Variants in LRP1B observed in about 807,000 individuals in gnomAD.
LRP1B encodes the protein low-density lipoprotein receptor-related protein 1B.
In LRP1B, 217 loss-of-function variants were observed where a neutral mutation model predicts 556.6. The ratio of observed to expected loss-of-function variants is 0.39; its 90% CI spans 0.35 to 0.44. LRP1B has a LOEUF of 0.44. Ranked by LOEUF, LRP1B falls within the 20% of genes least tolerant of loss-of-function variation. The pLI, the probability that LRP1B is intolerant of heterozygous loss-of-function variation, is 1.00. For missense variants in LRP1B, 5,053 were observed against 5,620.8 expected, an observed-to-expected ratio of 0.90 and a Z score of 3.23; for synonymous variants, 2,047 against 1,865.8, an observed-to-expected ratio of 1.10 and a Z score of -2.50.
At chr2:142,011,934 T>G (rs1161348621) in intron 1 of LRP1B, among the ~76,000 whole-genome samples, 4 of 152,116 alleles carry the variant, frequency 2.6e-5, no homozygotes, top group Non-Finnish European at 4.4e-5. Flanking sequence ...GTCTAGGATT[T>G]AGCAAATTGG....
At chr2:141,463,325 T>C (rs975729510) in intron 3 of LRP1B, among the ~76,000 whole-genome samples, 2 of 151,740 alleles carry the variant, frequency 1.3e-5, no homozygotes, top group South Asian at 4.1e-4. Flanking sequence ...AATATTTATG[T>C]TTGCTTTGGG....
At chr2:140,604,832 G>A (rs1682809860) in intron 41 of LRP1B, among the ~76,000 whole-genome samples, 1 of 151,726 alleles carries the variant, frequency 6.6e-6, no homozygotes, top group African/African-American at 2.4e-5. Flanking sequence ...TCCCGTGATA[G>A]TGAAAAAGTC....
At chr2:140,663,027 C>G (rs1002923998) in intron 41 of LRP1B, among the ~76,000 whole-genome samples, 2 of 152,072 alleles carry the variant, frequency 1.3e-5, no homozygotes, top group Non-Finnish European at 2.9e-5. Flanking sequence ...TATAAAAATG[C>G]TTTTAAGTAA....
At position 141,972,890 on chromosome 2, in the gene LRP1B, G is replaced by C. The variant is rs1701785002; in HGVS notation, c.82+157758C>G. Among the ~76,000 whole-genome samples, 3 of 151,504 alleles carry C rather than the reference G, an allele frequency of 2.0e-5. No homozygotes were observed. The South Asian group carries it at 6.2e-4, about 31-fold the overall frequency. On this transcript the variant is annotated intron_variant, in intron 1 of 90. Coordinates refer to ENST00000389484, the MANE Select transcript of LRP1B (RefSeq NM_018557.3). ...TTAACAAGTTGTATTTTTTTCTAAA[G>C]GGATTAATAGACTCATAATACATAC...
chr2:140,289,471 A>C (rs1683287914), intron 84 of LRP1B, among the ~76,000 whole-genome samples: 1 of 152,064 alleles, frequency 6.6e-6, no homozygotes, highest in Admixed American at 6.6e-5. Context: ...AGTTAATTCT[A>C]ATAATCAGCA....
intron 2 of LRP1B, among the ~76,000 whole-genome samples, chr2:141,759,296 C>A (rs182798408): frequency 3.3e-5 from 5 of 152,118 alleles, no homozygotes; most frequent in Non-Finnish European, 7.4e-5. Context: ...AACTCATTTG[C>A]CCTGATAGAA....
chr2:141,417,822 T>C (rs1036896422), intron 3 of LRP1B, among the ~76,000 whole-genome samples: 12 of 150,708 alleles, frequency 8.0e-5, no homozygotes, highest in Admixed American at 2.7e-4. Flanking sequence ...AGAGTTTACA[T>C]ATCTACCAAC....
At chr2:141,700,139 G>A (rs1168262334) in intron 2 of LRP1B, among the ~76,000 whole-genome samples, 1 of 151,512 alleles carries the variant, frequency 6.6e-6, no homozygotes, top group African/African-American at 2.4e-5. Context: ...CAGCTTCTTA[G>A]AGAAAAATTA....
At position 140,541,088 on chromosome 2, in the gene LRP1B, A is replaced by G; in HGVS notation, c.7398T>C (p.Ser2466=). Residue 2466 remains serine, a synonymous_variant, in exon 45 of 91, where the codon TCT becomes TCC. Coordinates refer to ENST00000389484, the MANE Select transcript of LRP1B (RefSeq NM_018557.3). ...VANDTNSCEL[S]PCALLNGGCH... ...AGCCTCCATTCAATAATGCACATGG[A>G]GAAAGTTCACCTACAATAAAGAGGG... is the stretch of plus-strand genomic sequence containing the variant. The G allele has an allele frequency of 1.2e-6, 2 of 1,609,078 alleles. No individual in the cohort carries two copies. Among genetic ancestry groups the G allele is most frequent in the Non-Finnish European group, 1.7e-6 (2 of 1,176,566 alleles).
chr2:141,527,632 T>C (rs918024723), intron 2 of LRP1B, among the ~76,000 whole-genome samples: 2 of 152,104 alleles, frequency 1.3e-5, no homozygotes, highest in Non-Finnish European at 2.9e-5. Context: ...TTGATTACTG[T>C]CTATACCAAA....
chr2:141,968,957 T>G (rs1701643153), intron 1 of LRP1B, among the ~76,000 whole-genome samples: 1 of 151,628 alleles, frequency 6.6e-6, no homozygotes, highest in Admixed American at 6.6e-5. Flanking sequence ...CTTTTTTTCT[T>G]TTTTTTAACT....
chr2:141,398,568 C>A (rs936699442), intron 3 of LRP1B, among the ~76,000 whole-genome samples: 2 of 152,100 alleles, frequency 1.3e-5, no homozygotes, highest in African/African-American at 2.4e-5. Flanking sequence ...CATCATTGTA[C>A]CCCCGGCTGA....
chr2:140,958,331 A>G lies in LRP1B; in HGVS notation c.2888-6391T>C, dbSNP rs1695935181. Among the ~76,000 whole-genome samples the G allele has an allele frequency of 1.3e-5, 2 of 151,646 alleles. 1 individual carries two copies. The highest frequency in any genetic ancestry group is 4.1e-4 in the South Asian group (2 of 4,832). On this transcript the variant is annotated intron_variant, in intron 18 of 90. Transcript: ENST00000389484. ...AAAGGTAAGGACAAAAATAAAAACC[A>G]TGTAAAAAGACACACAGATAAAATA...
intron 43 of LRP1B, among the ~76,000 whole-genome samples, chr2:140,547,925 C>A (rs1680404981): frequency 2.0e-5 from 3 of 146,798 alleles, no homozygotes; most frequent in South Asian, 2.1e-4. Flanking sequence ...ATATTCCAAA[C>A]AGGACTCACT....
At chr2:141,799,840 G>T (rs1389012224) in intron 2 of LRP1B, among the ~76,000 whole-genome samples, 1 of 151,726 alleles carries the variant, frequency 6.6e-6, no homozygotes, top group Non-Finnish European at 1.5e-5. Context: ...GTATGACAGA[G>T]AGAGAGGCTA....
intron 2 of LRP1B, among the ~76,000 whole-genome samples, chr2:141,518,122 TA>T (rs56316293): frequency 0.059 from 8,932 of 150,526 alleles, 885 homozygotes; most frequent in African/African-American, 0.2. Context: ...AGGTTATCTT[TA>T]AAAAAAAAAA....
intron 43 of LRP1B, among the ~76,000 whole-genome samples, chr2:140,547,594 T>C (rs995580659): frequency 6.6e-6 from 1 of 152,054 alleles, no homozygotes; most frequent in African/African-American, 2.4e-5. Flanking sequence ...AATTTTTTTT[T>C]CAGAAAACCA....
At chr2:140,580,145 T>C (rs1681703441) in intron 43 of LRP1B, among the ~76,000 whole-genome samples, 1 of 152,172 alleles carries the variant, frequency 6.6e-6, no homozygotes, top group South Asian at 2.1e-4. Flanking sequence ...AGAGCTATAT[T>C]TGTTGACCAA....
At chr2:141,907,122 T>G (rs1699779855) in intron 1 of LRP1B, among the ~76,000 whole-genome samples, 1 of 152,072 alleles carries the variant, frequency 6.6e-6, no homozygotes, top group African/African-American at 2.4e-5. Flanking sequence ...GATATGAAAT[T>G]AGCTAAACTG....
Sources: gnomAD v4.1 joint callset for allele counts (sites outside exome capture counted in the v4.1 genomes callset) on GRCh38, gnomAD v4.1.1 for gene constraint, MANE v1.5 for transcripts, NCBI Gene and HGNC (gene_info 2026-07-23, HGNC 2026-07-21) for gene names.